PRDM7: variants seen among roughly 807,000 people sequenced by gnomAD.
The protein encoded by PRDM7 is PR/SET domain 7.
In PRDM7, 52 loss-of-function variants were observed where a neutral mutation model predicts 64.3. The observed-to-expected ratio is 0.81, with a 90% CI of 0.65 to 1.02. The LOEUF is 1.02. Ranked by LOEUF, PRDM7 falls within the 50% of genes least tolerant of loss-of-function variation. The pLI, the probability that PRDM7 is intolerant of heterozygous loss-of-function variation, is 0.00. For missense variants in PRDM7, 574 were observed against 597.1 expected (o/e 0.96, Z 0.40); for synonymous variants, 192 against 210.1 (o/e 0.91, Z 0.74).
chr16:90,062,586 C>A, intron 6 of PRDM7, 84 bp from the exon 7 acceptor site: 6 of 1,198,034 alleles, frequency 5.0e-6, no homozygotes, highest in Non-Finnish European at 6.2e-6. Flanking sequence ...AATCTCCTAC[C>A]ATCAAATTAG....
rs760813328 is a variant in PRDM7 at position 90,076,421 on chromosome 16, TTGGGGATCTCTACC to T, written c.-85-440_-85-427del. Among the ~76,000 whole-genome samples the T allele has an allele frequency of 7.9e-5, 11 of 138,632 alleles. No homozygotes were observed. In the East Asian group the frequency reaches 2.7e-3, roughly 34 times the overall value. 90.9% of individuals were successfully genotyped at this position (138,632 alleles called of 152,430 possible). A position where few individuals can be genotyped will look rare whatever the true frequency, so the allele number is the denominator to read the frequency against. ...AATGAACATTTTGCATAGACAGGAT[TTGGGGATCTCTACC>T]TGGGGATTCTAGAAAAATCCAGGAG... is the stretch of plus-strand genomic sequence containing the variant. On this transcript the variant is annotated intron_variant, in intron 1 of 10. Coordinates refer to ENST00000449207, the MANE Select transcript of PRDM7 (RefSeq NM_001098173.2).
chr16:90,075,765 G>A lies in PRDM7; in HGVS notation c.69+77C>T. Reference sequence around the variant, plus strand: ...GCACATTCAGACAGAGTCACCCAAGGGTACAGGCCAGGAGTCTGCAGCACT... The same window carrying A: ...GCACATTCAGACAGAGTCACCCAAGAGTACAGGCCAGGAGTCTGCAGCACT... On this transcript the variant is annotated intron_variant, in intron 2 of 10. Coordinates refer to ENST00000449207, the MANE Select transcript of PRDM7 (RefSeq NM_001098173.2). This position sits in a 1 kb window ranked among gnomAD's most constrained non-coding sequence, Gnocchi z 4.3. 1 of 1,537,140 alleles carries A rather than the reference G, an allele frequency of 6.5e-7. No homozygotes were observed. Among genetic ancestry groups the A allele is most frequent in the South Asian group, 1.1e-5 (1 of 86,988 alleles).
In PRDM7 at chr16:90,075,008, C is replaced by T. The variant is rs373799595; in HGVS notation, c.209G>A (p.Arg70Gln). 1.2e-5 allele frequency: 19 copies of T among 1,613,902 alleles called. No homozygotes were observed. Among genetic ancestry groups the T allele is most frequent in the Non-Finnish European group, 1.4e-5 (17 of 1,180,034 alleles). ...ALITVGLRAT[R>Q]PAFMCHRRQA... ...CCTTCGGTGACACATGAAAGCTGGT[C>T]GAGTGGCTCTGAGACCTGAAAAGAA... is the stretch of plus-strand genomic sequence containing the variant. The change falls in exon 4 of 11, where the codon CGA becomes CAA. Residue 70 changes from arginine (R) to glutamine (Q), a missense_variant. By Grantham distance (43) the Arg-to-Gln change is conservative. Transcript: ENST00000449207. This position sits in a 1 kb window ranked among gnomAD's most constrained non-coding sequence, Gnocchi z 4.3.
At chr16:90,060,692 C>G (rs953450808) in intron 9 of PRDM7, 69 bp from the exon 10 acceptor site, 7 of 1,578,972 alleles carry the variant, frequency 4.4e-6, no homozygotes, top group African/African-American at 1.3e-5. Context: ...GACTACAATG[C>G]TCATCCTGCC....
rs952521481 is a variant in PRDM7, at chr16:90,064,661, A to G, written c.352-893T>C. ...ACTCCTCACCTCAAGTGATCCACCC[A>G]CCTCAGCCTCCCAAAGTGCTGGGAT... is the stretch of plus-strand genomic sequence containing the variant. On this transcript the variant is annotated intron_variant, in intron 5 of 10. Transcript: ENST00000449207. Among the ~76,000 whole-genome samples the G allele has an allele frequency of 5.6e-5, 8 of 142,902 alleles. 1 individual carries two copies. The highest frequency in any genetic ancestry group is 1.7e-4 in the African/African-American group (6 of 35,176). 93.7% of individuals were successfully genotyped at this position (142,902 alleles called of 152,430 possible).
In PRDM7 at chr16:90,060,562, G is replaced by T. The variant is rs750230701; in HGVS notation, c.1012C>A (p.Gln338Lys). 1 of 1,614,070 alleles carries T rather than the reference G, an allele frequency of 6.2e-7. No individual in the cohort carries two copies. The highest frequency in any genetic ancestry group is 8.5e-7 in the Non-Finnish European group (1 of 1,179,984). Reference protein sequence around the residue: ...QNLVAFQYHRQIFYRTCRVIR... With the variant: ...QNLVAFQYHRKIFYRTCRVIR... ...ACTCGGCAGGTTCTATAGAAGATCTGCCTGTGGTACTGGAAGGCCACCAGG... is the reference window on the plus strand; with the variant it reads ...ACTCGGCAGGTTCTATAGAAGATCTTCCTGTGGTACTGGAAGGCCACCAGG... Residue 338 changes from glutamine (Q) to lysine (K), a missense_variant, in exon 10 of 11, where the codon CAG (glutamine) becomes AAG (lysine). Physicochemically the swap from Gln to Lys is moderately conservative, Grantham distance 53. Coordinates refer to ENST00000449207, the MANE Select transcript of PRDM7 (RefSeq NM_001098173.2).
rs1347275066 is a variant in PRDM7 at position 90,060,602 on chromosome 16, A to T, written c.972T>A (p.Asp324Glu). ...AGGCCACCAGGTTCTGCTCTTCATC[A>T]TCCCGGGCACAGTTCACATACCTGG... is the stretch of plus-strand genomic sequence containing the variant. ...NWMRYVNCARDDEEQNLVAFQ... is the reference protein window; with the variant it reads ...NWMRYVNCAREDEEQNLVAFQ... Residue 324 changes from aspartate to glutamate, a missense_variant, in exon 10 of 11, where the codon GAT becomes GAA. Coordinates refer to ENST00000449207, the MANE Select transcript of PRDM7 (RefSeq NM_001098173.2). 1.9e-6 allele frequency: 3 copies of T among 1,613,994 alleles called. No homozygotes were observed. In the African/African-American group the frequency reaches 4.0e-5, roughly 22 times the overall value.
chr16:90,074,511 G>T (rs1201456756), intron 4 of PRDM7, among the ~76,000 whole-genome samples: 2 of 151,950 alleles, frequency 1.3e-5, no homozygotes, highest in South Asian at 2.1e-4. Flanking sequence ...GGGAGGTGGA[G>T]GCTGCAGTGA....
At chr16:90,060,684 C>G in intron 9 of PRDM7, 61 bp from the exon 10 acceptor site, 1 of 1,589,580 alleles carries the variant, frequency 6.3e-7, no homozygotes. Flanking sequence ...GGCAGGATGA[C>G]TACAATGCTC....
intron 10 of PRDM7, among the ~76,000 whole-genome samples, chr16:90,059,716 C>G (rs1353707153): frequency 3.9e-5 from 6 of 152,214 alleles, no homozygotes; most frequent in Non-Finnish European, 2.9e-5. Context: ...AGGTCTCACA[C>G]TGACCTCAGC....
At chr16:90,068,613 T>A (rs1235243639) in intron 4 of PRDM7, among the ~76,000 whole-genome samples, 3 of 143,906 alleles carry the variant, frequency 2.1e-5, no homozygotes, top group Admixed American at 7.0e-5. Context: ...CCAGCCTGGA[T>A]GACAGAGCGA....
chr16:90,061,417 G>T (rs1403121782), intron 9 of PRDM7, 35 bp downstream of exon 9: 2 of 1,542,150 alleles, frequency 1.3e-6, no homozygotes, highest in African/African-American at 1.4e-5. Context: ...AGAGATGGAG[G>T]TTCTCTCTGA....
intron 5 of PRDM7, among the ~76,000 whole-genome samples, 168 bp from the exon 6 acceptor site, chr16:90,063,936 AC>A (rs1567876763): frequency 1.3e-5 from 2 of 152,184 alleles, no homozygotes; most frequent in African/African-American, 4.8e-5. Flanking sequence ...TGAATCTGGG[AC>A]TCTAACCCAT....
chr16:90,062,070 C>A lies in PRDM7; in HGVS notation c.733G>T (p.Gly245Trp), dbSNP rs925888818. ...PNRSALSLPP[G>W]LRIGPSGIPQ... ...ATGCCTGATGGCCCAATTCTCAGCC[C>A]CGGGGGCAGACTGAGGGCTGAACGG... is the stretch of plus-strand genomic sequence containing the variant. Residue 245 changes from glycine to tryptophan, a missense_variant, in exon 8 of 11, where the codon GGG (glycine) becomes TGG (tryptophan). Coordinates refer to ENST00000449207, the MANE Select transcript of PRDM7 (RefSeq NM_001098173.2). 6.2e-7 allele frequency: 1 copy of A among 1,614,238 alleles called. No individual in the cohort carries two copies. Among genetic ancestry groups the A allele is most frequent in the Non-Finnish European group, 8.5e-7 (1 of 1,180,038 alleles).
rs140587900 is a variant in PRDM7, at chr16:90,061,929, A to G, written c.874T>C (p.Ser292Pro). The G allele has an allele frequency of 6.2e-7, 1 of 1,614,276 alleles. No homozygotes were observed. The change falls in exon 8 of 11, where the codon TCC becomes CCC. Residue 292 changes from serine to proline, a missense_variant. Transcript: ENST00000449207. ...CAGCAGGCTCTTCTTACTAGCCAGG[A>G]ATATCCACTGTTGGCTGCCTCTTCG... Reference protein sequence around the residue: ...EDEEAANSGYSWLITKGRNCY... With the variant: ...EDEEAANSGYPWLITKGRNCY...
intron 5 of PRDM7, among the ~76,000 whole-genome samples, chr16:90,066,322 T>A (rs1441983299): frequency 6.6e-6 from 1 of 151,180 alleles, no homozygotes; most frequent in African/African-American, 2.5e-5. Flanking sequence ...AATCAGAGTG[T>A]TTTAGTGCAA....
At chr16:90,065,852 T>C (rs1185973375) in intron 5 of PRDM7, among the ~76,000 whole-genome samples, 1 of 151,364 alleles carries the variant, frequency 6.6e-6, no homozygotes, top group Non-Finnish European at 1.5e-5. Flanking sequence ...ACCCTGTTAC[T>C]TATAGTTTAA....
rs765149520 is a variant in PRDM7 at position 90,066,895 on chromosome 16, ATCC to A, written c.314_316del (p.Trp105_Met106delinsLeu). The stretch of plus-strand genomic sequence containing the variant: ...TTTACTCTGTTCTCCTCTGAAGGCC[ATCC>A]AAGGAGGTTTGACTAAGAGGTGATG... On this transcript the variant is annotated inframe_deletion, in exon 5 of 11. Transcript: ENST00000449207. The A allele has an allele frequency of 3.8e-6, 6 of 1,599,272 alleles. No homozygotes were observed. Among genetic ancestry groups the A allele is most frequent in the Non-Finnish European group, 5.1e-6 (6 of 1,168,938 alleles).
In PRDM7 at chr16:90,060,541, G is replaced by A. The variant is rs763349283; in HGVS notation, c.1033C>T (p.Arg345Ter). Residue 345 changes from arginine to a stop codon, truncating the protein, a stop_gained, in exon 10 of 11, where the codon CGA becomes TGA. Transcript: ENST00000449207. LOFTEE classifies it high-confidence loss of function. ...YHRQIFYRTC[R>*]VIRPGCELLV... ...AGTTCACAGCCTGGCCTAATGACTC[G>A]GCAGGTTCTATAGAAGATCTGCCTG... is the stretch of plus-strand genomic sequence containing the variant. 28 of 1,613,802 alleles carry A rather than the reference G, an allele frequency of 1.7e-5. No homozygotes were observed. Among genetic ancestry groups the A allele is most frequent in the East Asian group, 2.2e-5 (1 of 44,880 alleles).
Sources: allele counts gnomAD v4.1 joint callset (sites outside exome capture counted in the v4.1 genomes callset), GRCh38; gene constraint gnomAD v4.1.1; non-coding constraint Gnocchi (gnomAD v3.1); transcripts MANE v1.5; gene names NCBI Gene and HGNC (gene_info 2026-07-23, HGNC 2026-07-21).